LCOR: variants seen among roughly 807,000 people sequenced by gnomAD.
LCOR encodes the protein ligand-dependent corepressor.
In LCOR, 14 loss-of-function variants were observed where a neutral mutation model predicts 64.4. The observed-to-expected ratio is 0.22, with a 90% CI of 0.14 to 0.34. LCOR has a LOEUF of 0.34. Ranked by LOEUF, LCOR falls within the 10% of genes least tolerant of loss-of-function variation. The pLI, the probability that LCOR is intolerant of heterozygous loss-of-function variation, is 1.00. For synonymous variants in LCOR, 643 were observed against 642.5 expected (o/e 1.00, Z -0.01); for missense variants, 1,686 against 1,765.3 (o/e 0.96, Z 0.80).
intron 2 of LCOR, among the ~76,000 whole-genome samples, chr10:96,873,954 C>T (rs1846121081): frequency 6.6e-6 from 1 of 152,078 alleles, no homozygotes; most frequent in Non-Finnish European, 1.5e-5. Context: ...GACTGAGGGA[C>T]ATTCATGAGT....
rs963884915 is a variant in LCOR, at chr10:96,894,043, A to G, written c.-329-13222A>G. On this transcript the variant is annotated intron_variant, in intron 2 of 7. Transcript: ENST00000421806. ...AACAGCTGGAAGGGACTTTTGAACTATGGCCTTGAAGACCACGTAGGATCA... is the reference window on the plus strand; with the variant it reads ...AACAGCTGGAAGGGACTTTTGAACTGTGGCCTTGAAGACCACGTAGGATCA... 3.2e-4 allele frequency among the ~76,000 whole-genome samples: 48 copies of G among 152,182 alleles called. 1 individual carries two copies.
intron 7 of LCOR, chr10:96,964,224 T>C (rs1299235301): frequency 6.7e-6 from 1 of 149,530 alleles, no homozygotes; most frequent in Non-Finnish European, 1.5e-5. Context: ...AAAATTTTAA[T>C]CCATGTGGTC....
chr10:96,876,230 A>C (rs1477719887), intron 2 of LCOR, among the ~76,000 whole-genome samples: 1 of 152,200 alleles, frequency 6.6e-6, no homozygotes, highest in Non-Finnish European at 1.5e-5. Flanking sequence ...GATGGAGGGC[A>C]CCTCATGGGA....
Position 96,956,766 on chromosome 10 carries a change from A to T in LCOR, c.332+4570A>T, listed in dbSNP as rs530751301. 7.5e-5 allele frequency: 74 copies of T among 985,852 alleles called. No homozygotes were observed. The South Asian group carries it at 1.3e-3, about 17-fold the overall frequency. 61.1% of individuals were successfully genotyped at this position (985,852 alleles called of 1,614,324 possible). The stretch of plus-strand genomic sequence containing the variant: ...ATTTACTCAGGAGCAGTCAGGGTAC[A>T]TTACATAAAACAATGGAGGATGCCT... On this transcript the variant is annotated intron_variant, in intron 7 of 7. Coordinates refer to ENST00000421806, the MANE Select transcript of LCOR (RefSeq NM_001346516.2).
chr10:96,950,461 A>G (rs1847659331), intron 6 of LCOR, among the ~76,000 whole-genome samples: 1 of 152,136 alleles, frequency 6.6e-6, no homozygotes, highest in South Asian at 2.1e-4. Context: ...TTCATTAAAG[A>G]TCTCCTCACT....
At chr10:96,956,889 G>C in intron 7 of LCOR, 2 of 984,780 alleles carry the variant, frequency 2.0e-6, no homozygotes, top group South Asian at 4.7e-5. Flanking sequence ...AGATATTCAA[G>C]ATCTCTTTAT....
At chr10:96,841,431 G>A (rs545946406) in intron 2 of LCOR, among the ~76,000 whole-genome samples, 1 of 150,032 alleles carries the variant, frequency 6.7e-6, no homozygotes, top group East Asian at 2.0e-4. Flanking sequence ...CACAATCTCG[G>A]CCCACTGCAA....
At chr10:96,910,813 C>T (rs1199432512) in intron 4 of LCOR, among the ~76,000 whole-genome samples, 1 of 152,172 alleles carries the variant, frequency 6.6e-6, no homozygotes, top group African/African-American at 2.4e-5. Flanking sequence ...ATTTGGGAAG[C>T]AGCAGCTATG....
At chr10:96,961,835 T>C (rs1847885434) in intron 7 of LCOR, 2 of 152,112 alleles carry the variant, frequency 1.3e-5, no homozygotes, top group Admixed American at 1.3e-4. Flanking sequence ...ACTTCTATTA[T>C]TTGGTGTACC....
intron 4 of LCOR, among the ~76,000 whole-genome samples, chr10:96,931,887 T>A (rs189124124): frequency 6.6e-6 from 1 of 152,318 alleles, no homozygotes; most frequent in South Asian, 2.1e-4. Flanking sequence ...TGGGTAAATT[T>A]AAACAGTTCC....
At chr10:96,842,884 GC>G (rs1333488033) in intron 2 of LCOR, among the ~76,000 whole-genome samples, 1 of 151,922 alleles carries the variant, frequency 6.6e-6, no homozygotes, top group African/African-American at 2.4e-5. Context: ...ACCCACCTTG[GC>G]CCCCCAAATT....
At chr10:96,973,403 G>T (rs1189582711) in intron 7 of LCOR, among the ~76,000 whole-genome samples, 1 of 152,162 alleles carries the variant, frequency 6.6e-6, no homozygotes, top group Non-Finnish European at 1.5e-5. Context: ...TTATATTCAG[G>T]TGTGGAGGAT....
chr10:96,884,992 A>G (rs1205028316), intron 2 of LCOR, among the ~76,000 whole-genome samples: 1 of 152,154 alleles, frequency 6.6e-6, no homozygotes, highest in African/African-American at 2.4e-5. Flanking sequence ...TGCACTTATC[A>G]CATATTTTAT....
chr10:96,884,667 T>G (rs558660584), intron 2 of LCOR, among the ~76,000 whole-genome samples: 2 of 152,278 alleles, frequency 1.3e-5, no homozygotes, highest in African/African-American at 2.4e-5. Flanking sequence ...GTATAAGAAT[T>G]TACATTTCTG....
chr10:96,863,103 A>G lies in LCOR; in HGVS notation c.-330+29624A>G, dbSNP rs186162642. Among the ~76,000 whole-genome samples the G allele has an allele frequency of 8.1e-3, 1,209 of 148,950 alleles. 11 individuals are homozygous for G. Among genetic ancestry groups the G allele is most frequent in the South Asian group, 0.039 (185 of 4,704 alleles). ...TCACCATGTTGGCCAGGCTGGTCTC[A>G]TACTCCTGACCTCAAGTGATCTGCC... On this transcript the variant is annotated intron_variant, in intron 2 of 7. Coordinates refer to ENST00000421806, the MANE Select transcript of LCOR (RefSeq NM_001346516.2).
intron 7 of LCOR, among the ~76,000 whole-genome samples, chr10:96,979,480 C>G (rs935584117): frequency 6.6e-6 from 1 of 152,210 alleles, no homozygotes; most frequent in Admixed American, 6.5e-5. Flanking sequence ...TCACACAGTC[C>G]CCACTGTCTG....
chr10:96,873,616 G>T (rs991294066), intron 2 of LCOR, among the ~76,000 whole-genome samples: 163 of 144,350 alleles, frequency 1.1e-3, no homozygotes, highest in Non-Finnish European at 2.2e-3. Context: ...GTGTGTGTGT[G>T]TTTTGAGACA....
At chr10:96,878,616 C>T (rs1228218790) in intron 2 of LCOR, among the ~76,000 whole-genome samples, 3 of 152,096 alleles carry the variant, frequency 2.0e-5, no homozygotes, top group African/African-American at 4.8e-5. Flanking sequence ...CTACCTTCCA[C>T]GTAGTAGGTA....
chr10:96,855,211 A>G (rs146946676), intron 2 of LCOR, among the ~76,000 whole-genome samples: 23 of 152,290 alleles, frequency 1.5e-4, no homozygotes, highest in African/African-American at 4.1e-4. Flanking sequence ...AGCAGCTACC[A>G]TGGGGGGAGA....
Sources: allele counts gnomAD v4.1 joint callset (sites outside exome capture counted in the v4.1 genomes callset), GRCh38; gene constraint gnomAD v4.1.1; transcripts MANE v1.5; gene names NCBI Gene and HGNC (gene_info 2026-07-23, HGNC 2026-07-21).